The following DMD variants were observed in gnomAD, a reference collection of about 807,000 sequenced individuals.
The protein encoded by DMD is dystrophin.
In DMD, 63 loss-of-function variants were observed where a neutral mutation model predicts 330.1. The ratio of observed to expected loss-of-function variants is 0.19; its 90% CI spans 0.16 to 0.24. DMD has a LOEUF of 0.24. Ranked by LOEUF, DMD falls within the 10% of genes least tolerant of loss-of-function variation. DMD has a pLI of 1.00. For synonymous variants in DMD, 1,223 were observed against 959.8 expected (o/e 1.27, Z -5.07); for missense variants, 3,344 against 2,684.1 (o/e 1.25, Z -5.43).
At chrX:32,541,352 C>T (rs901717001) in intron 17 of DMD, among the ~76,000 whole-genome samples, 3 of 111,669 alleles carry the variant, frequency 2.7e-5, no homozygotes, top group African/African-American at 9.8e-5. Context: ...CTTCCTCCAT[C>T]TTCATCATCT....
chrX:31,547,537 C>T (rs1018818842), intron 55 of DMD, among the ~76,000 whole-genome samples: 9 of 111,681 alleles, frequency 8.1e-5, no homozygotes, highest in African/African-American at 2.0e-4. Context: ...GAGAAAGGCT[C>T]GATGTTGCCC....
chrX:33,019,858 T>C, intron 2 of DMD, among the ~76,000 whole-genome samples: 1 of 111,288 alleles, frequency 9.0e-6, no homozygotes, highest in Non-Finnish European at 1.9e-5. Flanking sequence ...TGATGGAAGA[T>C]TGCAGCTATA....
chrX:32,558,385 G>C (rs563145491), intron 16 of DMD, among the ~76,000 whole-genome samples: 1 of 111,816 alleles, frequency 8.9e-6, no homozygotes. Context: ...ATCAAGTATA[G>C]GCTTAGGAAA....
At chrX:32,819,606 T>C (rs2078053703) in intron 5 of DMD, among the ~76,000 whole-genome samples, 1 of 111,606 alleles carries the variant, frequency 9.0e-6, no homozygotes, top group Admixed American at 9.6e-5. Flanking sequence ...AGAAAAACAG[T>C]AATAGGAAAA....
chrX:31,720,645 GTTTA>G (rs200097740), intron 52 of DMD, among the ~76,000 whole-genome samples: 6,193 of 110,853 alleles, frequency 0.056, 442 homozygotes, highest in African/African-American at 0.19. Flanking sequence ...TCTTTAATTG[GTTTA>G]TTTATTTAAT....
intron 7 of DMD, among the ~76,000 whole-genome samples, chrX:32,729,780 T>C (rs1373332700): frequency 8.9e-6 from 1 of 112,049 alleles, no homozygotes; most frequent in East Asian, 2.8e-4. Context: ...ATGTGTGTTA[T>C]TCTTTTGACT....
intron 52 of DMD, among the ~76,000 whole-genome samples, chrX:31,727,591 A>T (rs1052586944): frequency 8.9e-6 from 1 of 111,952 alleles, no homozygotes; most frequent in Admixed American, 9.5e-5. Context: ...TCTGGACACA[A>T]AAGATGGAAG....
At chrX:32,713,135 C>A (rs1321394823) in intron 7 of DMD, among the ~76,000 whole-genome samples, 2 of 111,905 alleles carry the variant, frequency 1.8e-5, no homozygotes, top group South Asian at 3.7e-4. Flanking sequence ...TCTACTAAAG[C>A]AAATCACCTG....
rs1021320346 is a variant in DMD at position 31,265,270 on chromosome X, C to T, written c.9225-4254G>A. Among the ~76,000 whole-genome samples, 6 of 112,090 alleles carry T rather than the reference C, an allele frequency of 5.4e-5. No individual in the cohort carries two copies. In the Admixed American group the frequency reaches 5.6e-4, roughly 11 times the overall value. ...TTTTCTAGAGGAACCTTGGCATTTGCGTGCTGAATTGTTGAACTTGGCTTG... is the reference window on the plus strand; with the variant it reads ...TTTTCTAGAGGAACCTTGGCATTTGTGTGCTGAATTGTTGAACTTGGCTTG... On this transcript the variant is annotated intron_variant, in intron 62 of 78. Coordinates refer to ENST00000357033, the MANE Select transcript of DMD (RefSeq NM_004006.3).
chrX:31,168,450 T>C (rs966223929), intron 74 of DMD, among the ~76,000 whole-genome samples: 4 of 110,697 alleles, frequency 3.6e-5, no homozygotes, highest in African/African-American at 1.3e-4. Flanking sequence ...GCTATGGCCA[T>C]AGGTAAAAGG....
At chrX:33,001,408 T>G (rs1273545738) in intron 2 of DMD, among the ~76,000 whole-genome samples, 1 of 111,961 alleles carries the variant, frequency 8.9e-6, no homozygotes, top group Admixed American at 9.5e-5. Flanking sequence ...TTAGGAACAG[T>G]TTCAGTCTAT....
At chrX:31,709,616 G>GT (rs1491134754) in intron 52 of DMD, among the ~76,000 whole-genome samples, 3 of 102,124 alleles carry the variant, frequency 2.9e-5, no homozygotes, top group Admixed American at 1.1e-4. Context: ...GTGTGTGTGT[G>GT]GTGTGTCAGA....
In DMD at chrX:31,689,549, G is replaced by A. The variant is rs1442251034; in HGVS notation, c.7661-9963C>T. Among the ~76,000 whole-genome samples the A allele has an allele frequency of 6.3e-5, 7 of 111,512 alleles. No homozygotes were observed. The Admixed American group carries it at 6.6e-4, about 11-fold the overall frequency. The stretch of plus-strand genomic sequence containing the variant: ...CGTGAAAATGGCCATACTGCCCAAG[G>A]AAATTTATAGATTCAATGCCATCCC... On this transcript the variant is annotated intron_variant, in intron 52 of 78. Transcript: ENST00000357033.
At chrX:31,240,218 G>C (rs2048113150) in intron 63 of DMD, among the ~76,000 whole-genome samples, 1 of 111,048 alleles carries the variant, frequency 9.0e-6, no homozygotes, top group Non-Finnish European at 1.9e-5. Context: ...AAAAACTCCA[G>C]GTTAATTATG....
chrX:31,152,700 A>G (rs1315385946), intron 74 of DMD, among the ~76,000 whole-genome samples: 2 of 111,186 alleles, frequency 1.8e-5, no homozygotes, highest in Non-Finnish European at 3.8e-5. Flanking sequence ...CTCCTGGCTA[A>G]TATATTTTAA....
At chrX:32,530,365 A>C (rs947640415) in intron 17 of DMD, among the ~76,000 whole-genome samples, 4 of 112,287 alleles carry the variant, frequency 3.6e-5, no homozygotes, top group South Asian at 3.6e-4. Flanking sequence ...ACTGCTGTAA[A>C]ATATTGCTTC....
intron 47 of DMD, among the ~76,000 whole-genome samples, chrX:31,887,062 C>A (rs1209713421): frequency 9.0e-6 from 1 of 111,617 alleles, no homozygotes; most frequent in Non-Finnish European, 1.9e-5. Context: ...GGTAACCAAG[C>A]TAGGATTTGA....
intron 51 of DMD, among the ~76,000 whole-genome samples, chrX:31,747,940 C>G (rs1473538158): frequency 8.9e-6 from 1 of 111,938 alleles, no homozygotes; most frequent in East Asian, 2.8e-4. Flanking sequence ...TCTAGTGATT[C>G]CTTTTTCTGT....
intron 51 of DMD, among the ~76,000 whole-genome samples, chrX:31,731,577 T>G (rs1314967989): frequency 1.8e-5 from 2 of 111,725 alleles, no homozygotes; most frequent in East Asian, 5.6e-4. Context: ...ATAAATTCAT[T>G]TACTCATCCA....
Sources: allele counts gnomAD v4.1 joint callset (sites outside exome capture counted in the v4.1 genomes callset), GRCh38; gene constraint gnomAD v4.1.1; transcripts MANE v1.5; gene names NCBI Gene and HGNC (gene_info 2026-07-23, HGNC 2026-07-21).